The following MTFMT variants were observed in gnomAD, a reference collection of about 807,000 sequenced individuals.
The protein encoded by MTFMT is mitochondrial methionyl-tRNA formyltransferase, also known as methionyl-tRNA formyltransferase, mitochondrial.
Under a neutral mutation model 51.8 loss-of-function variants are expected in MTFMT, and 47 were observed. The ratio of observed to expected loss-of-function variants is 0.91; its 90% CI spans 0.72 to 1.16. The LOEUF (loss-of-function observed/expected upper bound fraction) is 1.16. MTFMT is among the 50% of genes most tolerant of loss of function. The pLI, the probability that MTFMT is intolerant of heterozygous loss-of-function variation, is 0.00. For missense variants in MTFMT, 512 were observed against 482.3 expected, an observed-to-expected ratio of 1.06 and a Z score of -0.58; for synonymous variants, 196 against 176.7, an observed-to-expected ratio of 1.11 and a Z score of -0.87.
At chr15:65,028,133 G>C (rs1250050891) in intron 1 of MTFMT, among the ~76,000 whole-genome samples, 1 of 152,172 alleles carries the variant, frequency 6.6e-6, no homozygotes, top group Admixed American at 6.5e-5. Flanking sequence ...AGAAGTATCA[G>C]GATAGGCCAG....
intron 5 of MTFMT, 38 bp from the exon 6 acceptor site, chr15:65,016,565 G>A (rs760658572): frequency 1.6e-5 from 22 of 1,377,888 alleles, no homozygotes; most frequent in Middle Eastern, 1.8e-4. Flanking sequence ...GAACATCAGG[G>A]TCAGTGTCCA....
At chr15:65,023,526 G>T in intron 3 of MTFMT, 146 bp downstream of exon 3, 2 of 664,504 alleles carry the variant, frequency 3.0e-6, no homozygotes, top group Non-Finnish European at 4.9e-6. Context: ...GAAACCAGGA[G>T]AAAACAGAAA....
At chr15:65,021,279 T>A (rs1027239181) in intron 4 of MTFMT, among the ~76,000 whole-genome samples, 1 of 152,212 alleles carries the variant, frequency 6.6e-6, no homozygotes, top group African/African-American at 2.4e-5. Flanking sequence ...ATGTAGTAGG[T>A]CATGTAAGAT....
intron 6 of MTFMT, among the ~76,000 whole-genome samples, chr15:65,012,702 T>C (rs927736625): frequency 2.0e-5 from 3 of 152,174 alleles, no homozygotes; most frequent in African/African-American, 7.2e-5. Flanking sequence ...GCCTGGCTTA[T>C]TTCTAGACCC....
intron 1 of MTFMT, 23 bp from the exon 2 acceptor site, chr15:65,027,063 T>A (rs762752694): frequency 1.1e-5 from 18 of 1,577,928 alleles, no homozygotes; most frequent in Non-Finnish European, 1.6e-5. Flanking sequence ...GGAAGAAAAA[T>A]GTGACAGTGT....
intron 4 of MTFMT, among the ~76,000 whole-genome samples, chr15:65,020,937 A>G (rs1179949521): frequency 6.6e-6 from 1 of 152,236 alleles, no homozygotes; most frequent in Non-Finnish European, 1.5e-5. Context: ...AGGAAATACC[A>G]TCTCTACAGG....
chr15:65,009,805 C>T (rs927532753), intron 6 of MTFMT, among the ~76,000 whole-genome samples: 5 of 152,054 alleles, frequency 3.3e-5, no homozygotes, highest in Non-Finnish European at 4.4e-5. Context: ...AGGTGCATCC[C>T]ACAATACCTA....
chr15:65,018,057 T>G (rs2086339146), intron 5 of MTFMT, among the ~76,000 whole-genome samples: 1 of 152,166 alleles, frequency 6.6e-6, no homozygotes, highest in Non-Finnish European at 1.5e-5. Flanking sequence ...GAAGTAGGAC[T>G]TCTATGAGTG....
chr15:65,026,785 A>G (rs1401243543), intron 2 of MTFMT, 46 bp downstream of exon 2: 9 of 1,466,898 alleles, frequency 6.1e-6, no homozygotes, highest in Admixed American at 2.0e-5. Flanking sequence ...GTCCATTTAT[A>G]AAGACCAAGG....
chr15:65,003,681 AC>A (rs565474731), intron 8 of MTFMT, among the ~76,000 whole-genome samples: 173 of 151,628 alleles, frequency 1.1e-3, no homozygotes, highest in African/African-American at 4.1e-3. Flanking sequence ...ACATGGCGAA[AC>A]CCCGTCCTTA....
At chr15:65,028,750 AT>A (rs1401534240) in intron 1 of MTFMT, among the ~76,000 whole-genome samples, 51 of 152,372 alleles carry the variant, frequency 3.3e-4, no homozygotes, top group African/African-American at 1.2e-3. Flanking sequence ...ACCACATACC[AT>A]GGACTCTCAG....
chr15:65,028,362 C>T (rs1175877674), intron 1 of MTFMT, among the ~76,000 whole-genome samples: 1 of 152,178 alleles, frequency 6.6e-6, no homozygotes, highest in Non-Finnish European at 1.5e-5. Context: ...CTGCAGTGAG[C>T]TATGAGCCGG....
At chr15:65,028,748 C>T (rs937116322) in intron 1 of MTFMT, among the ~76,000 whole-genome samples, 3 of 152,152 alleles carry the variant, frequency 2.0e-5, no homozygotes, top group South Asian at 4.1e-4. Flanking sequence ...CCACCACATA[C>T]CATGGACTCT....
intron 1 of MTFMT, among the ~76,000 whole-genome samples, chr15:65,029,092 G>A (rs999927813): frequency 6.6e-6 from 1 of 152,190 alleles, no homozygotes; most frequent in Admixed American, 6.5e-5. Context: ...GGGCAGGGAG[G>A]CCGTGGGACT....
intron 3 of MTFMT, among the ~76,000 whole-genome samples, chr15:65,022,102 A>G (rs887003851): frequency 1.3e-5 from 2 of 152,256 alleles, no homozygotes; most frequent in African/African-American, 2.4e-5. Context: ...TAGGAAGTTC[A>G]TAATTATTTA....
At chr15:65,013,018 T>C (rs1472496715) in intron 6 of MTFMT, among the ~76,000 whole-genome samples, 1 of 152,150 alleles carries the variant, frequency 6.6e-6, no homozygotes, top group Non-Finnish European at 1.5e-5. Context: ...TGGGTCTTCT[T>C]TACTGTTTAT....
intron 6 of MTFMT, among the ~76,000 whole-genome samples, chr15:65,006,937 C>A (rs1312076596): frequency 6.6e-6 from 1 of 152,130 alleles, no homozygotes; most frequent in East Asian, 1.9e-4. Context: ...CAGCCAAATG[C>A]CACCCAGGTC....
intron 2 of MTFMT, 80 bp downstream of exon 2, chr15:65,026,750 CA>C (rs2086427708): frequency 1.8e-6 from 2 of 1,096,678 alleles, no homozygotes; most frequent in Non-Finnish European, 2.6e-6. Flanking sequence ...GCATAGAGTT[CA>C]AATTATCACA....
chr15:65,013,363 G>A (rs538547164), intron 6 of MTFMT, among the ~76,000 whole-genome samples: 5 of 149,766 alleles, frequency 3.3e-5, no homozygotes, highest in Admixed American at 6.7e-5. Context: ...CAATCCTCCC[G>A]CTCAGCCTCC....
Sources: allele counts gnomAD v4.1 joint callset (sites outside exome capture counted in the v4.1 genomes callset), GRCh38; gene constraint gnomAD v4.1.1; transcripts MANE v1.5; gene names NCBI Gene and HGNC (gene_info 2026-07-23, HGNC 2026-07-21).